SYN2: variants seen among roughly 807,000 people sequenced by gnomAD.
SYN2 encodes synapsin-2.
Under a neutral mutation model 50.9 loss-of-function variants are expected in SYN2, and 19 were observed. The observed-to-expected ratio is 0.37, with a 90% confidence interval of 0.26 to 0.55. The LOEUF is 0.55. Among genes scored for constraint, SYN2 ranks in the 20% least tolerant of loss-of-function variants. The probability of loss-of-function intolerance (pLI) is 0.81; values close to 1 mark genes in which losing one functional copy is unlikely to be tolerated. For synonymous variants in SYN2, 255 were observed against 224.9 expected, an observed-to-expected ratio of 1.13 and a Z score of -1.20; for missense variants, 587 against 576.4, an observed-to-expected ratio of 1.02 and a Z score of -0.19.
intron 1 of SYN2, among the ~76,000 whole-genome samples, chr3:12,122,685 T>A (rs768794848): frequency 7.9e-5 from 12 of 152,210 alleles, no homozygotes; most frequent in Non-Finnish European, 1.5e-4. Flanking sequence ...TCACTTGGAC[T>A]TATACTACAT....
At chr3:12,117,927 G>T (rs543134243) in intron 1 of SYN2, among the ~76,000 whole-genome samples, 2 of 152,310 alleles carry the variant, frequency 1.3e-5, no homozygotes, top group African/African-American at 4.8e-5. Context: ...TACCTGGAGG[G>T]TGTTAGATGA....
intron 1 of SYN2, among the ~76,000 whole-genome samples, chr3:12,029,888 G>C (rs1207620063): frequency 1.0e-5 from 1 of 95,728 alleles, no homozygotes; most frequent in Non-Finnish European, 1.9e-5. Context: ...TTGCCTGATT[G>C]CCCTGGCCAG....
At chr3:12,129,245 A>G (rs1483052132) in intron 1 of SYN2, among the ~76,000 whole-genome samples, 1 of 152,194 alleles carries the variant, frequency 6.6e-6, no homozygotes, top group Non-Finnish European at 1.5e-5. Context: ...TACACATTAA[A>G]AAAGAAGCAG....
intron 1 of SYN2, among the ~76,000 whole-genome samples, chr3:12,038,408 A>C (rs1459012101): frequency 1.3e-5 from 2 of 152,048 alleles, no homozygotes; most frequent in African/African-American, 4.8e-5. Context: ...CTATACTTTG[A>C]GTCCTTTGAA....
chr3:12,067,731 C>T (rs1315421270), intron 1 of SYN2, among the ~76,000 whole-genome samples: 1 of 152,036 alleles, frequency 6.6e-6, no homozygotes, highest in Non-Finnish European at 1.5e-5. Flanking sequence ...TTCAGGTCTT[C>T]ACTTCTTAAG....
intron 1 of SYN2, among the ~76,000 whole-genome samples, chr3:12,062,444 C>G (rs1279363724): frequency 6.6e-6 from 1 of 151,810 alleles, no homozygotes; most frequent in Non-Finnish European, 1.5e-5. Context: ...TTGGGTTTGG[C>G]TGTGAGTTTT....
intron 1 of SYN2, among the ~76,000 whole-genome samples, chr3:12,085,976 G>T (rs1216581350): frequency 6.6e-6 from 1 of 151,924 alleles, no homozygotes; most frequent in Non-Finnish European, 1.5e-5. Flanking sequence ...TTTTTGAAAA[G>T]ATAAACAATA....
At chr3:12,151,717 T>G (rs188286614) in intron 5 of SYN2, among the ~76,000 whole-genome samples, 1 of 152,370 alleles carries the variant, frequency 6.6e-6, no homozygotes, top group East Asian at 1.9e-4. Flanking sequence ...CAGGATATTC[T>G]AATATGGTAC....
chr3:12,151,036 T>G (rs1697272991), intron 4 of SYN2, among the ~76,000 whole-genome samples: 1 of 152,244 alleles, frequency 6.6e-6, no homozygotes, highest in Non-Finnish European at 1.5e-5. Flanking sequence ...TAATTGAATT[T>G]TAGCTCACTC....
chr3:12,180,146 A>G (rs6781003), intron 10 of SYN2, among the ~76,000 whole-genome samples: 2,475 of 152,020 alleles, frequency 0.016, 76 homozygotes, highest in African/African-American at 0.057. Flanking sequence ...ACAGCGTTTC[A>G]TCATGTTATC....
intron 11 of SYN2, chr3:12,185,246 T>C (rs1046779776): frequency 1.5e-5 from 15 of 985,728 alleles, no homozygotes; most frequent in Non-Finnish European, 1.8e-5. Context: ...TTTCCCAGAA[T>C]GGAGGAATAC....
intron 1 of SYN2, among the ~76,000 whole-genome samples, chr3:12,104,004 T>A (rs307556): frequency 0.91 from 138,254 of 152,296 alleles, 62,793 homozygotes; most frequent in East Asian, 1. Context: ...TGAAAATATC[T>A]AAACAAGATA....
At chr3:12,187,794 G>A (rs1698375968) in intron 12 of SYN2, among the ~76,000 whole-genome samples, 182 bp downstream of exon 12, 1 of 150,438 alleles carries the variant, frequency 6.6e-6, no homozygotes, top group Non-Finnish European at 1.5e-5. Flanking sequence ...GTGTGTGTTT[G>A]GTTAAAGGAG....
intron 1 of SYN2, among the ~76,000 whole-genome samples, chr3:12,120,767 A>G (rs1477495812): frequency 6.6e-6 from 1 of 152,178 alleles, no homozygotes; most frequent in East Asian, 1.9e-4. Context: ...TGGTCTGGCC[A>G]TGACCTACCT....
intron 1 of SYN2, among the ~76,000 whole-genome samples, chr3:12,095,690 T>G (rs1304392252): frequency 6.7e-6 from 1 of 148,990 alleles, no homozygotes; most frequent in Non-Finnish European, 1.5e-5. Context: ...CCCTACTTGG[T>G]GGCTGCTCTT....
intron 1 of SYN2, among the ~76,000 whole-genome samples, chr3:12,087,746 C>G (rs1695736658): frequency 6.6e-6 from 1 of 152,014 alleles, no homozygotes; most frequent in Non-Finnish European, 1.5e-5. Flanking sequence ...CAGTGAGGCC[C>G]TGTCTCAGAA....
rs1693838635 is a variant in SYN2, at chr3:12,008,213, CA to C, written c.377+3287del. 2.0e-5 allele frequency among the ~76,000 whole-genome samples: 3 copies of C among 152,166 alleles called. No homozygotes were observed. In the South Asian group the frequency reaches 6.2e-4, roughly 32 times the overall value. On this transcript the variant is annotated intron_variant, in intron 1 of 12. Transcript: ENST00000621198. The stretch of plus-strand genomic sequence containing the variant: ...TTCCGGAGATTCTGACCCCAGTGAT[CA>C]AGTGAGCTTTTCATCCTGGCATGAT...
chr3:12,155,172 T>C (rs879729510), intron 5 of SYN2, among the ~76,000 whole-genome samples: 1 of 152,130 alleles, frequency 6.6e-6, no homozygotes, highest in African/African-American at 2.4e-5. Context: ...CGCTCAATCA[T>C]TTACTCACTG....
intron 1 of SYN2, among the ~76,000 whole-genome samples, chr3:12,037,286 A>T (rs1335424476): frequency 1.3e-5 from 2 of 152,086 alleles, no homozygotes; most frequent in African/African-American, 4.8e-5. Context: ...GCTTCTCCAG[A>T]TTCTTCTAGT....
Sources: allele counts gnomAD v4.1 joint callset (sites outside exome capture counted in the v4.1 genomes callset), GRCh38; gene constraint gnomAD v4.1.1; transcripts MANE v1.5; gene names NCBI Gene and HGNC (gene_info 2026-07-23, HGNC 2026-07-21).